Variants in CCBE1 observed in about 807,000 individuals in gnomAD.
CCBE1 encodes the protein collagen and calcium-binding EGF domain-containing protein 1.
Under a neutral mutation model 50.0 loss-of-function variants are expected in CCBE1, and 37 were observed. That is an observed-to-expected ratio of 0.74 (90% CI 0.57 to 0.97). The LOEUF (loss-of-function observed/expected upper bound fraction) is 0.97, where lower values mean the gene tolerates loss of function less well. Among genes scored for constraint, CCBE1 ranks in the 50% least tolerant of loss-of-function variants. The pLI, the probability that CCBE1 is intolerant of heterozygous loss-of-function variation, is 0.00. For synonymous variants in CCBE1, 234 were observed against 203.7 expected (o/e 1.15, Z -1.27); for missense variants, 538 against 523.8 (o/e 1.03, Z -0.26).
intron 2 of CCBE1, among the ~76,000 whole-genome samples, chr18:59,491,090 A>T (rs1182321699): frequency 6.6e-6 from 1 of 152,240 alleles, no homozygotes; most frequent in Non-Finnish European, 1.5e-5. Flanking sequence ...TTTTATCCTT[A>T]GCTCTCTGAG....
intron 2 of CCBE1, among the ~76,000 whole-genome samples, chr18:59,515,737 G>A (rs1233040645): frequency 6.6e-6 from 1 of 152,172 alleles, no homozygotes; most frequent in African/African-American, 2.4e-5. Flanking sequence ...CAGCAGAGGA[G>A]ACAGGCTGAG....
intron 2 of CCBE1, among the ~76,000 whole-genome samples, chr18:59,694,957 A>G (rs1036068373): frequency 6.6e-6 from 1 of 152,222 alleles, no homozygotes; most frequent in Non-Finnish European, 1.5e-5. Flanking sequence ...TTGAGTAGCT[A>G]TTAGTGAAAA....
intron 2 of CCBE1, among the ~76,000 whole-genome samples, chr18:59,524,907 C>G (rs1914756068): frequency 6.6e-6 from 1 of 152,150 alleles, no homozygotes; most frequent in Non-Finnish European, 1.5e-5. Flanking sequence ...CCATCCATGT[C>G]CCTGCAAACT....
intron 4 of CCBE1, among the ~76,000 whole-genome samples, chr18:59,468,850 T>C (rs370189615): frequency 1.5e-3 from 214 of 138,996 alleles, no homozygotes; most frequent in Middle Eastern, 3.7e-3. Flanking sequence ...TTTTTTTTTT[T>C]TCCCCAAACG....
chr18:59,692,989 C>T (rs372913106), intron 2 of CCBE1, among the ~76,000 whole-genome samples: 1 of 125,872 alleles, frequency 7.9e-6, no homozygotes, highest in African/African-American at 2.8e-5. Flanking sequence ...CACACACACA[C>T]ACACACACAC....
At chr18:59,689,601 G>A (rs1305096236) in intron 2 of CCBE1, among the ~76,000 whole-genome samples, 1 of 152,234 alleles carries the variant, frequency 6.6e-6, no homozygotes, top group Middle Eastern at 3.2e-3. Context: ...TATGATGACA[G>A]ATCTATAATG....
intron 2 of CCBE1, among the ~76,000 whole-genome samples, chr18:59,490,475 C>A (rs1913048255): frequency 6.7e-6 from 1 of 149,274 alleles, no homozygotes; most frequent in African/African-American, 2.5e-5. Context: ...ATAAAATAAT[C>A]ATTATTTTTC....
chr18:59,511,683 A>G (rs950082707), intron 2 of CCBE1, among the ~76,000 whole-genome samples: 3 of 152,190 alleles, frequency 2.0e-5, no homozygotes, highest in Non-Finnish European at 4.4e-5. Flanking sequence ...CACCCTGCTG[A>G]TCTGTCAAAC....
At chr18:59,534,334 G>T (rs765910556) in intron 2 of CCBE1, among the ~76,000 whole-genome samples, 1 of 152,126 alleles carries the variant, frequency 6.6e-6, no homozygotes, top group Non-Finnish European at 1.5e-5. Flanking sequence ...AGGCCCTGAG[G>T]TTTTTGTCTT....
chr18:59,664,140 G>A (rs142115221), intron 2 of CCBE1, among the ~76,000 whole-genome samples: 121 of 152,178 alleles, frequency 8.0e-4, no homozygotes, highest in African/African-American at 2.7e-3. Context: ...CTGAGTTCTC[G>A]TTATATCTTC....
At chr18:59,567,768 T>C (rs2052851666) in intron 2 of CCBE1, among the ~76,000 whole-genome samples, 1 of 152,194 alleles carries the variant, frequency 6.6e-6, no homozygotes, top group Non-Finnish European at 1.5e-5. Flanking sequence ...ACCACCACAC[T>C]GTTCTGTTAC....
intron 2 of CCBE1, among the ~76,000 whole-genome samples, chr18:59,614,802 A>G (rs1265908195): frequency 1.2e-4 from 18 of 152,258 alleles, no homozygotes; most frequent in Non-Finnish European, 4.4e-5. Flanking sequence ...TTAATATGCT[A>G]TTAAATGGGG....
chr18:59,496,877 A>C (rs1272703413), intron 2 of CCBE1, among the ~76,000 whole-genome samples: 2 of 152,228 alleles, frequency 1.3e-5, no homozygotes, highest in African/African-American at 4.8e-5. Context: ...TGGAGACGTC[A>C]CATGGTATGG....
At chr18:59,647,716 T>C (rs183386368) in intron 2 of CCBE1, among the ~76,000 whole-genome samples, 52 of 152,340 alleles carry the variant, frequency 3.4e-4, no homozygotes, top group African/African-American at 1.2e-3. Context: ...TAGGTACTTA[T>C]AAGGAGAGAA....
At chr18:59,519,433 A>G (rs1295336040) in intron 2 of CCBE1, among the ~76,000 whole-genome samples, 15 of 152,234 alleles carry the variant, frequency 9.9e-5, no homozygotes, top group East Asian at 5.8e-4. Context: ...CCAAGTTACA[A>G]CTAATGGAAA....
intron 2 of CCBE1, among the ~76,000 whole-genome samples, chr18:59,561,351 T>C (rs2052735163): frequency 6.6e-6 from 1 of 152,222 alleles, no homozygotes; most frequent in South Asian, 2.1e-4. Context: ...GTGCAAAACC[T>C]GTATATCAAA....
chr18:59,633,684 A>T (rs1046617798), intron 2 of CCBE1, among the ~76,000 whole-genome samples: 1 of 152,156 alleles, frequency 6.6e-6, no homozygotes, highest in South Asian at 2.1e-4. Context: ...AACAGAACGA[A>T]GCCAATCCAT....
At chr18:59,638,829 G>C (rs2053947696) in intron 2 of CCBE1, among the ~76,000 whole-genome samples, 1 of 151,968 alleles carries the variant, frequency 6.6e-6, no homozygotes, top group South Asian at 2.1e-4. Context: ...AGTAAGTCTA[G>C]CAAAAGACAT....
At chr18:59,597,820 G>A (rs1413146816) in intron 2 of CCBE1, among the ~76,000 whole-genome samples, 1 of 152,162 alleles carries the variant, frequency 6.6e-6, no homozygotes, top group Non-Finnish European at 1.5e-5. Context: ...AGATAACTGA[G>A]TCTCGAAACC....
Sources: allele counts gnomAD v4.1 joint callset (sites outside exome capture counted in the v4.1 genomes callset), GRCh38; gene constraint gnomAD v4.1.1; transcripts MANE v1.5; gene names NCBI Gene and HGNC (gene_info 2026-07-23, HGNC 2026-07-21).